ERICH3: variants seen among roughly 807,000 people sequenced by gnomAD.
The protein encoded by ERICH3 is glutamate rich 3, also known as glutamate-rich protein 3.
A neutral mutation model predicts 131.1 loss-of-function variants in ERICH3; 126 were observed. That is an observed-to-expected ratio of 0.96 (90% CI 0.83 to 1.11). The LOEUF (loss-of-function observed/expected upper bound fraction) is 1.11, where lower values mean the gene tolerates loss of function less well. Ranked by LOEUF, ERICH3 falls within the 50% of genes most tolerant of loss-of-function variation. The probability of loss-of-function intolerance (pLI) is 0.00; values close to 1 mark genes in which losing one functional copy is unlikely to be tolerated. For synonymous variants in ERICH3, 695 were observed against 644.6 expected (o/e 1.08, Z -1.18); for missense variants, 2,050 against 1,810.7 (o/e 1.13, Z -2.40).
At chr1:74,615,813 C>A (rs908484501) in intron 8 of ERICH3, among the ~76,000 whole-genome samples, 14 of 152,140 alleles carry the variant, frequency 9.2e-5, no homozygotes, top group African/African-American at 3.1e-4. Flanking sequence ...ATAGGGTAGG[C>A]CAGGCCACAA....
At chr1:74,667,525 G>A (rs1255209881) in intron 1 of ERICH3, among the ~76,000 whole-genome samples, 1 of 152,018 alleles carries the variant, frequency 6.6e-6, no homozygotes, top group Non-Finnish European at 1.5e-5. Flanking sequence ...TACCTTCAAT[G>A]GCTAAAGTTT....
intron 11 of ERICH3, chr1:74,592,172 C>T (rs1182625459): frequency 2.0e-5 from 3 of 152,136 alleles, no homozygotes; most frequent in Admixed American, 2.0e-4. Context: ...AGTCTAATTC[C>T]ATTTGCTTTT....
rs10655150 is a variant in ERICH3 at position 74,594,273 on chromosome 1, CGTGTGTGTGTGT to C, written c.1727-4205_1727-4194del. Among the ~76,000 whole-genome samples the C allele has an allele frequency of 1.9e-4, 27 of 144,888 alleles. No homozygotes were observed. The South Asian group carries it at 4.7e-3, about 25-fold the overall frequency. ...TGTGGGGACACTCACAAAAATGGGG[CGTGTGTGTGTGT>C]GTGTGTGTGTGTGTGTGTGTATGCT... is the stretch of plus-strand genomic sequence containing the variant. On this transcript the variant is annotated intron_variant, in intron 11 of 14. Transcript: ENST00000326665.
chr1:74,614,974 A>G (rs1008282605), intron 8 of ERICH3, among the ~76,000 whole-genome samples: 13 of 152,118 alleles, frequency 8.5e-5, no homozygotes, highest in Admixed American at 7.2e-4. Context: ...ATGCTCCATA[A>G]CTTCCTAAGT....
chr1:74,668,590 C>T (rs1349081906), intron 1 of ERICH3, among the ~76,000 whole-genome samples: 4 of 152,116 alleles, frequency 2.6e-5, no homozygotes, highest in Admixed American at 1.3e-4. Context: ...TGAAGGAATT[C>T]AAAGAATTAA....
At chr1:74,610,459 A>AC in intron 9 of ERICH3, among the ~76,000 whole-genome samples, 1 of 148,552 alleles carries the variant, frequency 6.7e-6, no homozygotes, top group East Asian at 2.0e-4. Context: ...TAAGGCTTAT[A>AC]CCCCCAATTG....
At chr1:74,599,341 T>C (rs1007535444) in intron 11 of ERICH3, among the ~76,000 whole-genome samples, 3 of 151,848 alleles carry the variant, frequency 2.0e-5, no homozygotes, top group Admixed American at 2.0e-4. Context: ...AGGTAACAAA[T>C]TACCTCATAC....
intron 1 of ERICH3, among the ~76,000 whole-genome samples, chr1:74,654,483 T>C (rs561978989): frequency 6.6e-6 from 1 of 152,186 alleles, no homozygotes; most frequent in East Asian, 1.9e-4. Context: ...ACAAACACTA[T>C]TTTTGGAGGC....
intron 4 of ERICH3, among the ~76,000 whole-genome samples, chr1:74,642,586 T>G (rs1330821382): frequency 6.6e-6 from 1 of 152,178 alleles, no homozygotes; most frequent in African/African-American, 2.4e-5. Flanking sequence ...TGCTTTCTTT[T>G]GCTAAAGAGG....
At chr1:74,669,355 C>T (rs115886009) in intron 1 of ERICH3, among the ~76,000 whole-genome samples, 2,628 of 152,160 alleles carry the variant, frequency 0.017, 73 homozygotes, top group African/African-American at 0.06. Flanking sequence ...CTTCCTTCCT[C>T]AAAGAAAATT....
intron 1 of ERICH3, among the ~76,000 whole-genome samples, chr1:74,660,845 A>T (rs1037234186): frequency 6.6e-6 from 1 of 151,930 alleles, no homozygotes; most frequent in South Asian, 2.1e-4. Flanking sequence ...CTGTGATGCA[A>T]GTCATAGGGT....
At chr1:74,589,530 A>G (rs1322473044) in intron 12 of ERICH3, 101 bp downstream of exon 12, 1 of 1,120,054 alleles carries the variant, frequency 8.9e-7, no homozygotes, top group African/African-American at 1.6e-5. Flanking sequence ...TCCCTAAAGC[A>G]TTGTCACAGT....
chr1:74,632,100 C>T (rs1349202573), intron 6 of ERICH3, among the ~76,000 whole-genome samples, 172 bp from the exon 7 acceptor site: 4 of 152,028 alleles, frequency 2.6e-5, no homozygotes, highest in South Asian at 2.1e-4. Flanking sequence ...GTAGTATCTG[C>T]GGCAAATTAA....
At chr1:74,636,205 A>G (rs1322662973) in intron 6 of ERICH3, 75 bp downstream of exon 6, 4 of 1,218,148 alleles carry the variant, frequency 3.3e-6, no homozygotes, top group Non-Finnish European at 4.5e-6. Flanking sequence ...CGAATATAAT[A>G]CCTTGACCAC....
intron 5 of ERICH3, among the ~76,000 whole-genome samples, chr1:74,639,134 G>A (rs1431863587): frequency 1.3e-5 from 2 of 152,066 alleles, no homozygotes; most frequent in African/African-American, 4.8e-5. Context: ...AATTAGAACT[G>A]AGGTTTCTGA....
At chr1:74,594,383 C>T (rs1321525636) in intron 11 of ERICH3, among the ~76,000 whole-genome samples, 3 of 151,740 alleles carry the variant, frequency 2.0e-5, no homozygotes, top group Non-Finnish European at 4.4e-5. Context: ...GGGCACCAGC[C>T]ACACACACAT....
intron 7 of ERICH3, among the ~76,000 whole-genome samples, chr1:74,629,879 T>G (rs1649535353): frequency 6.6e-6 from 1 of 152,160 alleles, no homozygotes; most frequent in Non-Finnish European, 1.5e-5. Flanking sequence ...AGGGACATAG[T>G]TCACAGGGAA....
intron 12 of ERICH3, chr1:74,586,420 G>T (rs1647334722): frequency 1.0e-6 from 1 of 983,358 alleles, no homozygotes. Context: ...CCAAAAAATT[G>T]CTATCCACCG....
chr1:74,582,921 C>T (rs1647203967), intron 12 of ERICH3, among the ~76,000 whole-genome samples: 1 of 150,290 alleles, frequency 6.7e-6, no homozygotes, highest in Admixed American at 6.7e-5. Context: ...AGCATTTTCT[C>T]TTTTCTGATT....
Sources: allele counts gnomAD v4.1 joint callset (sites outside exome capture counted in the v4.1 genomes callset), GRCh38; gene constraint gnomAD v4.1.1; transcripts MANE v1.5; gene names NCBI Gene and HGNC (gene_info 2026-07-23, HGNC 2026-07-21).